The following GRIK2 variants were observed in gnomAD, a reference collection of about 807,000 sequenced individuals.
GRIK2 encodes the protein glutamate receptor ionotropic, kainate 2.
A neutral mutation model predicts 100.3 loss-of-function variants in GRIK2; 32 were observed. The observed-to-expected ratio is 0.32, with a 90% CI of 0.24 to 0.43. The LOEUF (loss-of-function observed/expected upper bound fraction) is 0.43, where lower values mean the gene tolerates loss of function less well. GRIK2 is among the 20% of genes least tolerant of loss of function. GRIK2 has a pLI of 1.00. For synonymous variants in GRIK2, 417 were observed against 389.4 expected (o/e 1.07, Z -0.83); for missense variants, 843 against 1,114.9 (o/e 0.76, Z 3.47).
intron 4 of GRIK2, among the ~76,000 whole-genome samples, chr6:101,637,805 T>C (rs986294691): frequency 1.3e-5 from 2 of 152,094 alleles, no homozygotes; most frequent in African/African-American, 2.4e-5. Flanking sequence ...GTGCTGCAGC[T>C]TTCCTTGAAT....
At chr6:102,057,748 C>T (rs1386919186) in intron 16 of GRIK2, among the ~76,000 whole-genome samples, 1 of 151,800 alleles carries the variant, frequency 6.6e-6, no homozygotes, top group Non-Finnish European at 1.5e-5. Flanking sequence ...TGCTCCTCTC[C>T]AATTTGCACC....
At chr6:101,943,987 A>G (rs897381631) in intron 14 of GRIK2, among the ~76,000 whole-genome samples, 2 of 152,202 alleles carry the variant, frequency 1.3e-5, no homozygotes, top group African/African-American at 4.8e-5. Flanking sequence ...TGTAATTCCC[A>G]TGTTTTGAAG....
intron 2 of GRIK2, among the ~76,000 whole-genome samples, chr6:101,465,682 C>G (rs1008279500): frequency 1.3e-5 from 2 of 152,116 alleles, no homozygotes; most frequent in Non-Finnish European, 2.9e-5. Context: ...TTAAAAGGCC[C>G]AGGTACCACA....
intron 2 of GRIK2, among the ~76,000 whole-genome samples, chr6:101,619,528 A>G (rs1241255195): frequency 6.6e-6 from 1 of 152,030 alleles, no homozygotes; most frequent in Non-Finnish European, 1.5e-5. Context: ...ATCCAATATT[A>G]TAAAATATGA....
chr6:101,982,081 G>C (rs1793744802), intron 14 of GRIK2, among the ~76,000 whole-genome samples: 1 of 151,888 alleles, frequency 6.6e-6, no homozygotes, highest in Admixed American at 6.6e-5. Context: ...CAAATATGAA[G>C]AACACAGTGA....
At chr6:101,952,576 G>T (rs1347591028) in intron 14 of GRIK2, among the ~76,000 whole-genome samples, 3 of 151,770 alleles carry the variant, frequency 2.0e-5, no homozygotes, top group African/African-American at 7.3e-5. Flanking sequence ...AGAATTTTTA[G>T]TATATTCAGA....
At chr6:101,866,035 A>G (rs1582411665) in intron 11 of GRIK2, among the ~76,000 whole-genome samples, 2 of 152,316 alleles carry the variant, frequency 1.3e-5, no homozygotes, top group Admixed American at 6.5e-5. Context: ...AATCACAAGT[A>G]TAAATTTATA....
chr6:101,960,162 T>A (rs549583199), intron 14 of GRIK2, among the ~76,000 whole-genome samples: 26 of 151,128 alleles, frequency 1.7e-4, no homozygotes, highest in Non-Finnish European at 3.0e-5. Flanking sequence ...ATCTTGTAAT[T>A]ATTTCAATAA....
intron 4 of GRIK2, among the ~76,000 whole-genome samples, chr6:101,674,287 C>T (rs1471391319): frequency 6.6e-6 from 1 of 152,172 alleles, no homozygotes; most frequent in East Asian, 1.9e-4. Flanking sequence ...GAGTTCTACC[C>T]TCTGAAGATT....
In GRIK2 at chr6:101,547,367, G is replaced by A. The variant is rs188121979; in HGVS notation, c.116-74582G>A. Among the ~76,000 whole-genome samples, 291 of 151,884 alleles carry A rather than the reference G, an allele frequency of 1.9e-3. 2 individuals carry two copies. Among genetic ancestry groups the A allele is most frequent in the African/African-American group, 6.9e-3 (287 of 41,370 alleles). On this transcript the variant is annotated intron_variant, in intron 2 of 16. Transcript: ENST00000369134. ...AAGTTTTAGGGTACATATGCACAAC[G>A]TGCAGGTTTGTTACATATGTATACA...
chr6:101,592,546 G>A (rs931266026), intron 2 of GRIK2, among the ~76,000 whole-genome samples: 4 of 143,932 alleles, frequency 2.8e-5, no homozygotes, highest in African/African-American at 1.0e-4. Context: ...CTTCAGTGTT[G>A]AAAGCGATTC....
chr6:101,775,073 G>A (rs2128399344), intron 7 of GRIK2, among the ~76,000 whole-genome samples: 1 of 152,104 alleles, frequency 6.6e-6, no homozygotes, highest in African/African-American at 2.4e-5. Flanking sequence ...TCCAACAAGA[G>A]TTTTTGAAAG....
In GRIK2 at chr6:102,017,294, A is replaced by T. The variant is rs567292847; in HGVS notation, c.2086-18047A>T. Among the ~76,000 whole-genome samples the T allele has an allele frequency of 2.0e-5, 3 of 152,190 alleles. No homozygotes were observed. In the East Asian group the frequency reaches 5.8e-4, roughly 30 times the overall value. On this transcript the variant is annotated intron_variant, in intron 14 of 16. Transcript: ENST00000369134. Reference sequence around the variant, plus strand: ...GAGAGAGTGAAGGGGGAACTGCCAAACACTTTTAAAACCATCAGGTTTTGT... The same window carrying T: ...GAGAGAGTGAAGGGGGAACTGCCAATCACTTTTAAAACCATCAGGTTTTGT...
intron 14 of GRIK2, among the ~76,000 whole-genome samples, chr6:101,931,134 C>G (rs1296348373): frequency 6.6e-6 from 1 of 152,188 alleles, no homozygotes; most frequent in South Asian, 2.1e-4. Flanking sequence ...ATTCCAATTT[C>G]AATTTCATGT....
chr6:101,402,253 C>T (rs1007464479), intron 2 of GRIK2, among the ~76,000 whole-genome samples: 2 of 152,194 alleles, frequency 1.3e-5, no homozygotes, highest in Admixed American at 6.5e-5. Flanking sequence ...CATACACACA[C>T]ACACATTCTC....
chr6:101,740,054 G>T (rs1046694183), intron 7 of GRIK2, among the ~76,000 whole-genome samples: 6 of 152,176 alleles, frequency 3.9e-5, no homozygotes, highest in Non-Finnish European at 8.8e-5. Context: ...GAATGATATG[G>T]TGGAGAAAGG....
At chr6:101,713,902 G>C (rs900268944) in intron 7 of GRIK2, among the ~76,000 whole-genome samples, 9 of 151,688 alleles carry the variant, frequency 5.9e-5, no homozygotes, top group Admixed American at 4.0e-4. Flanking sequence ...AGTATACACT[G>C]TGTTTTCACC....
At chr6:101,702,204 G>A (rs982451721) in intron 7 of GRIK2, among the ~76,000 whole-genome samples, 25 of 151,886 alleles carry the variant, frequency 1.6e-4, no homozygotes, top group African/African-American at 5.8e-4. Context: ...ATTGATAAAG[G>A]TACTTTGCAA....
chr6:101,788,587 C>T (rs1183717729), intron 7 of GRIK2, among the ~76,000 whole-genome samples: 3 of 152,140 alleles, frequency 2.0e-5, no homozygotes, highest in Admixed American at 2.0e-4. Context: ...ATATGTGCCA[C>T]ATTTTCTTAA....
Sources: gnomAD v4.1 joint callset for allele counts (sites outside exome capture counted in the v4.1 genomes callset) on GRCh38, gnomAD v4.1.1 for gene constraint, MANE v1.5 for transcripts, NCBI Gene and HGNC (gene_info 2026-07-23, HGNC 2026-07-21) for gene names.